Variants in ASPM observed in about 807,000 individuals in gnomAD.
The protein encoded by ASPM is abnormal spindle-like microcephaly-associated protein.
Under a neutral mutation model 366.4 loss-of-function variants are expected in ASPM, and 256 were observed. The observed-to-expected ratio is 0.70, with a 90% CI of 0.63 to 0.77. ASPM has a LOEUF of 0.77. Ranked by LOEUF, ASPM falls within the 30% of genes least tolerant of loss-of-function variation. The probability of loss-of-function intolerance (pLI) is 0.00; values close to 1 mark genes in which losing one functional copy is unlikely to be tolerated. For synonymous variants in ASPM, 1,414 were observed against 1,342.9 expected (o/e 1.05, Z -1.16); for missense variants, 4,146 against 4,090.4 (o/e 1.01, Z -0.37).
intron 17 of ASPM, among the ~76,000 whole-genome samples, chr1:197,109,254 C>A (rs1657509305): frequency 6.6e-6 from 1 of 151,874 alleles, no homozygotes; most frequent in Non-Finnish European, 1.5e-5. Context: ...TGAAACTTCC[C>A]AACTCATTAC....
Position 197,126,800 on chromosome 1 carries a change from A to T in ASPM, c.2937-1609T>A, listed in dbSNP as rs576859930. Among the ~76,000 whole-genome samples, 4 of 152,342 alleles carry T rather than the reference A, an allele frequency of 2.6e-5. No individual in the cohort carries two copies. In the South Asian group the frequency reaches 8.3e-4, roughly 32 times the overall value. ...ATGTAAACTGTTTTTCAAAAACCGG[A>T]GATTCATAAAAATCTAGGATCTTGT... is the stretch of plus-strand genomic sequence containing the variant. On this transcript the variant is annotated intron_variant, in intron 10 of 27. Coordinates refer to ENST00000367409, the MANE Select transcript of ASPM (RefSeq NM_018136.5).
rs1323633725 is a variant in ASPM at position 197,103,086 on chromosome 1, T to G, written c.6165A>C (p.Arg2055Ser). 1 of 1,612,788 alleles carries G rather than the reference T, an allele frequency of 6.2e-7. No individual in the cohort carries two copies. Among genetic ancestry groups the G allele is most frequent in the Admixed American group, 1.7e-5 (1 of 59,860 alleles). Residue 2055 changes from arginine to serine, a missense_variant, in exon 18 of 28, where the codon AGA becomes AGC. This residue lies in a region of ASPM where 3,624 missense variants were observed against 3,591.7 expected (regional missense o/e 1.01). Coordinates refer to ENST00000367409, the MANE Select transcript of ASPM (RefSeq NM_018136.5). ...CATATTTCTTTTTGGTTTTGTAAGCTCTGTATTTAGACTGTATAGTGACTG... is the reference window on the plus strand; with the variant it reads ...CATATTTCTTTTTGGTTTTGTAAGCGCTGTATTTAGACTGTATAGTGACTG... Reference protein sequence around the residue: ...KAAVTIQSKYRAYKTKKKYAT... With the variant: ...KAAVTIQSKYSAYKTKKKYAT...
At position 197,101,360 on chromosome 1, in the gene ASPM, T is replaced by A; in HGVS notation, c.7891A>T (p.Ile2631Phe). 1 of 1,610,458 alleles carries A rather than the reference T, an allele frequency of 6.2e-7. No homozygotes were observed. The highest frequency in any genetic ancestry group is 8.5e-7 in the Non-Finnish European group (1 of 1,178,966). Reference sequence around the variant, plus strand: ...TTAAAGGCTTTACAATGCTTCTGAATAATAATGGCAGCCTGGTGCTGTTCC... The same window carrying A: ...TTAAAGGCTTTACAATGCTTCTGAAAAATAATGGCAGCCTGGTGCTGTTCC... ...IQEQHQAAII[I>F]QKHCKAFKIR... The change falls in exon 18 of 28, where the codon ATT (isoleucine) becomes TTT (phenylalanine). Residue 2631 changes from isoleucine (I) to phenylalanine (F), a missense_variant. By Grantham distance (21) the Ile-to-Phe change is conservative (BLOSUM62 0). Coordinates refer to ENST00000367409, the MANE Select transcript of ASPM (RefSeq NM_018136.5).
rs1293416429 is a variant in ASPM at position 197,126,461 on chromosome 1, AAAAAAAG to A, written c.2937-1277_2937-1271del. Among the ~76,000 whole-genome samples the A allele has an allele frequency of 3.9e-4, 57 of 147,284 alleles. 3 individuals carry two copies. Among genetic ancestry groups the A allele is most frequent in the East Asian group, 3.6e-3 (18 of 4,978 alleles). ...TCTCAAAAAAAAAAAAAAAAAAAAA[AAAAAAAG>A]GGAGGGGGACTTTCTTTGTGGAAAA... On this transcript the variant is annotated intron_variant, in intron 10 of 27. Coordinates refer to ENST00000367409, the MANE Select transcript of ASPM (RefSeq NM_018136.5).
At position 197,146,482 on chromosome 1, in the gene ASPM, G is replaced by C; in HGVS notation, c.-45C>G. The C allele has an allele frequency of 1.3e-6, 2 of 1,595,042 alleles. No homozygotes were observed. Among genetic ancestry groups the C allele is most frequent in the Non-Finnish European group, 1.7e-6 (2 of 1,176,688 alleles). On this transcript the variant is annotated 5_prime_UTR_variant, in exon 1 of 28. Transcript: ENST00000367409. Reference sequence around the variant, plus strand: ...CTGGATCTCCTTGCCCCGCTCCCACGAGGCGGCTCCGGAGCGGGGATCCGG... The same window carrying C: ...CTGGATCTCCTTGCCCCGCTCCCACCAGGCGGCTCCGGAGCGGGGATCCGG...
At chr1:197,108,973 A>C (rs1455481129) in intron 17 of ASPM, among the ~76,000 whole-genome samples, 41 of 78,626 alleles carry the variant, frequency 5.2e-4, no homozygotes, top group African/African-American at 1.2e-3. Flanking sequence ...CCTGTCTCCA[A>C]AAAAAAAAAA....
At chr1:197,129,131 A>G in intron 9 of ASPM, 56 bp downstream of exon 9, 1 of 1,575,462 alleles carries the variant, frequency 6.3e-7, no homozygotes, top group Non-Finnish European at 8.7e-7. Flanking sequence ...CCATGAAAGC[A>G]AGCAAAAGTC....
intron 4 of ASPM, among the ~76,000 whole-genome samples, chr1:197,137,474 C>G (rs2151135): frequency 6.6e-6 from 1 of 152,056 alleles, no homozygotes; most frequent in Non-Finnish European, 1.5e-5. Flanking sequence ...CATCGTAGGC[C>G]GGGCATGGTG....
At position 197,084,857 on chromosome 1, in the gene ASPM, T is replaced by C. The variant is rs537125741; in HGVS notation, c.10332-431A>G. Among the ~76,000 whole-genome samples, 3 of 152,288 alleles carry C rather than the reference T, an allele frequency of 2.0e-5. No individual in the cohort carries two copies. In the South Asian group the frequency reaches 6.2e-4, roughly 32 times the overall value. On this transcript the variant is annotated intron_variant, in intron 27 of 27. Coordinates refer to ENST00000367409, the MANE Select transcript of ASPM (RefSeq NM_018136.5). ...ACCAATCCTTTTTAATATGATCACATACTAGACTTTGTCATCATCAGAAAG... is the reference window on the plus strand; with the variant it reads ...ACCAATCCTTTTTAATATGATCACACACTAGACTTTGTCATCATCAGAAAG...
At position 197,101,916 on chromosome 1, in the gene ASPM, A is replaced by C. The variant is rs780584349; in HGVS notation, c.7335T>G (p.Ile2445Met). 6.2e-7 allele frequency: 1 copy of C among 1,612,684 alleles called. No individual in the cohort carries two copies. Among genetic ancestry groups the C allele is most frequent in the Non-Finnish European group, 8.5e-7 (1 of 1,179,248 alleles). ...IFVQRKYRATICAKHKLYQFL... is the reference protein window; with the variant it reads ...IFVQRKYRATMCAKHKLYQFL... ...ATTGGTACAATTTATGTTTGGCACA[A>C]ATGGTGGCTCGATATTTCCTCTGAA... Residue 2445 changes from isoleucine to methionine, a missense_variant, in exon 18 of 28, where the codon ATT (isoleucine) becomes ATG (methionine). Physicochemically the swap from Ile to Met is conservative, Grantham distance 10. Around this residue, in one of 3 missense-constraint regions of ASPM, gnomAD observed 3,624 missense variants for 3,591.7 expected, o/e 1.01. Coordinates refer to ENST00000367409, the MANE Select transcript of ASPM (RefSeq NM_018136.5).
chr1:197,143,356 G>C lies in ASPM; in HGVS notation c.896C>G (p.Thr299Ser). Residue 299 changes from threonine to serine, a missense_variant, in exon 3 of 28, where the codon ACC becomes AGC. Transcript: ENST00000367409. ...GTTCAAAGTTGAAGAACAGTTGGGG[G>C]TAAGACTAAGTTTACTATTCTCTCC... The part of the protein sequence containing the change: ...QRGENSKLSL[T>S]PNCSSTLNIT... 3 of 1,613,842 alleles carry C rather than the reference G, an allele frequency of 1.9e-6. No individual in the cohort carries two copies. The highest frequency in any genetic ancestry group is 2.5e-6 in the Non-Finnish European group (3 of 1,179,738).
chr1:197,085,926 T>G (rs1417945763), intron 27 of ASPM, among the ~76,000 whole-genome samples: 1 of 152,084 alleles, frequency 6.6e-6, no homozygotes, highest in Non-Finnish European at 1.5e-5. Flanking sequence ...CTGACCTACA[T>G]CAAAATTTTA....
Position 197,124,204 on chromosome 1 carries a change from C to A in ASPM, c.3296G>T (p.Gly1099Val). Reference sequence around the variant, plus strand: ...TTCAAAGGAACCACTATCCCTTTTGCCTTTTTTCTTATTAATAAGATCATC... The same window carrying A: ...TTCAAAGGAACCACTATCCCTTTTGACTTTTTTCTTATTAATAAGATCATC... ...HSDDLINKKK[G>V]KRDSGSFEQY... The change falls in exon 13 of 28, where the codon GGC (glycine) becomes GTC (valine). Residue 1099 changes from glycine to valine, a missense_variant. Physicochemically the swap from Gly to Val is moderately radical, Grantham distance 109 (BLOSUM62 -3). Transcript: ENST00000367409. The A allele has an allele frequency of 6.2e-7, 1 of 1,611,908 alleles. No individual in the cohort carries two copies. The highest frequency in any genetic ancestry group is 8.5e-7 in the Non-Finnish European group (1 of 1,178,414).
intron 17 of ASPM, among the ~76,000 whole-genome samples, chr1:197,109,298 A>G (rs1441356845): frequency 6.6e-6 from 1 of 152,118 alleles, no homozygotes; most frequent in East Asian, 1.9e-4. Flanking sequence ...AATACTAGCA[A>G]GTGGAATTAA....
intron 18 of ASPM, 115 bp downstream of exon 18, chr1:197,100,316 C>G: frequency 1.4e-6 from 1 of 732,672 alleles, no homozygotes; most frequent in South Asian, 2.2e-5. Context: ...GATAAATGGT[C>G]ACCTCAACTA....
At position 197,103,258 on chromosome 1, in the gene ASPM, A is replaced by G; in HGVS notation, c.5993T>C (p.Leu1998Pro). The G allele has an allele frequency of 6.2e-7, 1 of 1,612,996 alleles. No homozygotes were observed. Among genetic ancestry groups the G allele is most frequent in the Non-Finnish European group, 8.5e-7 (1 of 1,179,448 alleles). Reference sequence around the variant, plus strand: ...AGCCCTATAATACTTTTGAATCAGAAGAGCAGCTTTTTTCATGATTTTCCA... The same window carrying G: ...AGCCCTATAATACTTTTGAATCAGAGGAGCAGCTTTTTTCATGATTTTCCA... Reference protein sequence around the residue: ...KKWKIMKKAALLIQKYYRAYS... With the variant: ...KKWKIMKKAAPLIQKYYRAYS... Residue 1998 changes from leucine (L) to proline (P), a missense_variant, in exon 18 of 28, where the codon CTT becomes CCT. Physicochemically the swap from Leu to Pro is moderately conservative, Grantham distance 98 (BLOSUM62 -3). This residue lies in a region of ASPM where 3,624 missense variants were observed against 3,591.7 expected (regional missense o/e 1.01). Coordinates refer to ENST00000367409, the MANE Select transcript of ASPM (RefSeq NM_018136.5).
At chr1:197,108,342 A>G (rs1557949738) in intron 17 of ASPM, among the ~76,000 whole-genome samples, 1 of 152,106 alleles carries the variant, frequency 6.6e-6, no homozygotes, top group African/African-American at 2.4e-5. Context: ...GATTATACTT[A>G]AAGAAACTAT....
intron 17 of ASPM, among the ~76,000 whole-genome samples, chr1:197,115,493 GA>G (rs1403649923): frequency 6.6e-6 from 1 of 152,118 alleles, no homozygotes; most frequent in Non-Finnish European, 1.5e-5. Flanking sequence ...ATCCTTTCCA[GA>G]AGGTTTTCAA....
In ASPM at chr1:197,133,573, C is replaced by T; in HGVS notation, c.2196G>A (p.Leu732=). The change falls in exon 6 of 28, where the codon TTG becomes TTA. Residue 732 remains leucine (L), a synonymous_variant. Coordinates refer to ENST00000367409, the MANE Select transcript of ASPM (RefSeq NM_018136.5). ...ISEVNAATLL[L]GIENQHKISV... ...TTATTTTATGTTGATTCTCTATTCCCAAAAGAAGAGTAGCAGCATTTACTG... is the reference window on the plus strand; with the variant it reads ...TTATTTTATGTTGATTCTCTATTCCTAAAAGAAGAGTAGCAGCATTTACTG... 1.9e-6 allele frequency: 3 copies of T among 1,613,238 alleles called. No homozygotes were observed. Among genetic ancestry groups the T allele is most frequent in the Middle Eastern group, 1.7e-4 (1 of 6,060 alleles).
Sources: gnomAD v4.1 joint callset for allele counts (sites outside exome capture counted in the v4.1 genomes callset) on GRCh38, gnomAD v4.1.1 for gene constraint, gnomAD v4.1.1 regional missense constraint, MANE v1.5 for transcripts, NCBI Gene and HGNC (gene_info 2026-07-23, HGNC 2026-07-21) for gene names.